The following XCR1 variants were observed in gnomAD, a reference collection of about 807,000 sequenced individuals.
The protein encoded by XCR1 is chemokine XC receptor 1.
For synonymous variants in XCR1, 187 were observed against 188.5 expected (o/e 0.99, Z 0.06); for missense variants, 356 against 424.2 (o/e 0.84, Z 1.41).
intron 5 of XCR1, among the ~76,000 whole-genome samples, chr3:46,038,172 C>A (rs573626371): frequency 6.6e-6 from 1 of 151,978 alleles, no homozygotes; most frequent in Non-Finnish European, 1.5e-5. Flanking sequence ...AGATTACAGG[C>A]ACGTGCCACC....
intron 1 of XCR1, among the ~76,000 whole-genome samples, chr3:46,082,476 CTTTTTTTTTT>C (rs61282576): frequency 2.0e-5 from 2 of 100,030 alleles, no homozygotes; most frequent in African/African-American, 7.6e-5. Flanking sequence ...AATCAGGCTC[CTTTTTTTTTT>C]TTTTTTTTTT....
At chr3:46,052,750 A>G (rs1418523768) in intron 5 of XCR1, among the ~76,000 whole-genome samples, 1 of 152,254 alleles carries the variant, frequency 6.6e-6, no homozygotes, top group Non-Finnish European at 1.5e-5. Context: ...CTGCGTTTGC[A>G]TTCTCAAAAG....
chr3:46,045,341 A>G (rs1438462708), intron 5 of XCR1, among the ~76,000 whole-genome samples: 1 of 152,074 alleles, frequency 6.6e-6, no homozygotes, highest in Non-Finnish European at 1.5e-5. Context: ...CTCAGGAGGC[A>G]GAGGTTGCAG....
At position 46,021,135 on chromosome 3, in the gene XCR1, G is replaced by A. The variant is rs1708134637; in HGVS notation, c.813C>T (p.Ile271=). The A allele has an allele frequency of 6.2e-7, 1 of 1,614,152 alleles. No homozygotes were observed. The highest frequency in any genetic ancestry group is 8.5e-7 in the Non-Finnish European group (1 of 1,180,048). ...AKQQLEYALL[I]CRNLAFSHCC... is the part of the protein sequence containing the mutation. The stretch of plus-strand genomic sequence containing the variant: ...AGTGGGAGAAGGCGAGGTTGCGGCA[G>A]ATGAGCAGGGCGTATTCTAGCTGCT... Residue 271 remains isoleucine (I), a synonymous_variant, in exon 2 of 2, where the codon ATC becomes ATT. Coordinates refer to ENST00000309285, the MANE Select transcript of XCR1 (RefSeq NM_001024644.2). The surrounding 1 kb of genome is among the most constrained non-coding windows in gnomAD (Gnocchi z 4.7).
chr3:46,040,910 G>A (rs1363783830), intron 5 of XCR1, among the ~76,000 whole-genome samples: 1 of 152,218 alleles, frequency 6.6e-6, no homozygotes, highest in African/African-American at 2.4e-5. Context: ...GTGTGAAGCA[G>A]AGCAGGAGTT....
chr3:46,030,597 C>T (rs779029676), upstream of XCR1, among the ~76,000 whole-genome samples: 2 of 152,118 alleles, frequency 1.3e-5, no homozygotes, highest in African/African-American at 4.8e-5. Flanking sequence ...GTTTTGAGCT[C>T]GATTATAACT....
intron 4 of XCR1, among the ~76,000 whole-genome samples, chr3:46,060,738 C>T (rs1697945990): frequency 6.6e-6 from 1 of 152,192 alleles, no homozygotes; most frequent in Admixed American, 6.5e-5. Context: ...ACCGGTGACT[C>T]CTGGCTATGG....
chr3:46,052,020 C>T (rs1031213023), intron 5 of XCR1, among the ~76,000 whole-genome samples: 2 of 110,566 alleles, frequency 1.8e-5, no homozygotes, highest in Non-Finnish European at 3.6e-5. Flanking sequence ...AGTGAGACTC[C>T]ATCTCAAAAA....
At chr3:46,061,019 T>C (rs1697951573) in intron 4 of XCR1, among the ~76,000 whole-genome samples, 1 of 152,222 alleles carries the variant, frequency 6.6e-6, no homozygotes, top group Admixed American at 6.5e-5. Context: ...ACCATGATGG[T>C]GGAAAAAGTA....
intron 4 of XCR1, among the ~76,000 whole-genome samples, chr3:46,062,638 G>A (rs34463536): frequency 0.15 from 22,856 of 152,218 alleles, 2,182 homozygotes; most frequent in South Asian, 0.26. Flanking sequence ...TAGTTCTCTT[G>A]TATCTCTAAT....
chr3:46,046,637 C>T (rs1386703009), intron 5 of XCR1, among the ~76,000 whole-genome samples: 1 of 152,156 alleles, frequency 6.6e-6, no homozygotes, highest in Non-Finnish European at 1.5e-5. Flanking sequence ...GGCTGAGCAG[C>T]TCTCATTTTT....
chr3:46,034,801 T>C (rs1456350115), intron 5 of XCR1, among the ~76,000 whole-genome samples: 1 of 152,204 alleles, frequency 6.6e-6, no homozygotes, highest in African/African-American at 2.4e-5. Flanking sequence ...GCTTAAAACT[T>C]GTATTTGTTT....
In XCR1 at chr3:46,021,396, G is replaced by C; in HGVS notation, c.552C>G (p.Leu184=). The C allele has an allele frequency of 6.2e-7, 1 of 1,614,166 alleles. No homozygotes were observed. Among genetic ancestry groups the C allele is most frequent in the Non-Finnish European group, 8.5e-7 (1 of 1,180,022 alleles). Reference sequence around the variant, plus strand: ...AGAGGTTGTGCTGGTAGACGGAGGTGAGGTACCACGTGAGTTCGGAATAAT... The same window carrying C: ...AGAGGTTGTGCTGGTAGACGGAGGTCAGGTACCACGTGAGTTCGGAATAAT... The part of the protein sequence containing the change: ...GCDYSELTWY[L]TSVYQHNLFF... The change falls in exon 2 of 2, where the codon CTC becomes CTG. Residue 184 remains leucine (L), a synonymous_variant. Coordinates refer to ENST00000309285, the MANE Select transcript of XCR1 (RefSeq NM_001024644.2). The surrounding 1 kb of genome is among the most constrained non-coding windows in gnomAD (Gnocchi z 4.7).
intron 1 of XCR1, among the ~76,000 whole-genome samples, chr3:46,084,937 C>T (rs892039473): frequency 6.6e-5 from 10 of 151,950 alleles, no homozygotes; most frequent in African/African-American, 1.5e-4. Flanking sequence ...TGGTACCTCC[C>T]GAATCTAAAA....
intron 4 of XCR1, among the ~76,000 whole-genome samples, chr3:46,064,674 T>C (rs1559492569): frequency 6.6e-6 from 1 of 152,236 alleles, no homozygotes; most frequent in Non-Finnish European, 1.5e-5. Context: ...GCCACCATGC[T>C]GGTGAGGCCA....
rs1708102952 is a variant in XCR1, at chr3:46,019,591, G to A, written c.*1355C>T. 6.6e-6 allele frequency: 1 copy of A among 152,236 alleles called. No homozygotes were observed. The highest frequency in any genetic ancestry group is 6.5e-5 in the Admixed American group (1 of 15,286). 9.4% of individuals were successfully genotyped at this position (152,236 alleles called of 1,614,324 possible). A position where few individuals can be genotyped will look rare whatever the true frequency, so the allele number is the denominator to read the frequency against. On this transcript the variant is annotated 3_prime_UTR_variant, in exon 2 of 2. Coordinates refer to ENST00000309285, the MANE Select transcript of XCR1 (RefSeq NM_001024644.2). ...GGTGACAGCATGACAAATGCCTAGAGGTAGGGTACTGGGGAGATATGTGTC... is the reference window on the plus strand; with the variant it reads ...GGTGACAGCATGACAAATGCCTAGAAGTAGGGTACTGGGGAGATATGTGTC...
chr3:46,021,362 G>T lies in XCR1; in HGVS notation c.586C>A (p.Leu196Met), dbSNP rs764295381. 6.2e-7 allele frequency: 1 copy of T among 1,614,212 alleles called. No individual in the cohort carries two copies. Among genetic ancestry groups the T allele is most frequent in the Non-Finnish European group, 8.5e-7 (1 of 1,180,040 alleles). Residue 196 changes from leucine (L) to methionine (M), a missense_variant, in exon 2 of 2, where the codon CTG becomes ATG. By Grantham distance (15) the Leu-to-Met change is conservative (BLOSUM62 2). Transcript: ENST00000309285. This position sits in a 1 kb window ranked among gnomAD's most constrained non-coding sequence, Gnocchi z 4.7. Reference sequence around the variant, plus strand: ...CAGAACAGGATAATCCCCAGGGACAGCAGGAAGAAGAGGTTGTGCTGGTAG... The same window carrying T: ...CAGAACAGGATAATCCCCAGGGACATCAGGAAGAAGAGGTTGTGCTGGTAG... ...SVYQHNLFFL[L>M]SLGIILFCYV...
At chr3:46,024,544 A>C (rs1247049370) in intron 1 of XCR1, among the ~76,000 whole-genome samples, 2 of 152,248 alleles carry the variant, frequency 1.3e-5, no homozygotes, top group Non-Finnish European at 2.9e-5. Flanking sequence ...GCCATAAATG[A>C]TAATGCAAAA....
intron 2 of XCR1, among the ~76,000 whole-genome samples, chr3:46,075,308 C>CAAAAAAAAAAAAAAAAAAAAAAAAAAA (rs56787185): frequency 4.9e-5 from 3 of 61,650 alleles, no homozygotes; most frequent in Non-Finnish European, 8.8e-5. Context: ...GCTCATAGAC[C>CAAAAAAAAAAAAAAAAAAAAAAAAAAA]AAAAAAAAAA....
Sources: gnomAD v4.1 joint callset for allele counts (sites outside exome capture counted in the v4.1 genomes callset) on GRCh38, gnomAD v4.1.1 for gene constraint, Gnocchi (gnomAD v3.1) non-coding constraint, MANE v1.5 for transcripts, NCBI Gene and HGNC (gene_info 2026-07-23, HGNC 2026-07-21) for gene names.